Variants in TOGARAM1 observed in about 807,000 individuals in gnomAD.
TOGARAM1 encodes the protein TOG array regulator of axonemal microtubules 1, also known as TOG array regulator of axonemal microtubules protein 1.
TOGARAM1 carries 100 observed loss-of-function variants against 166.6 expected under a neutral mutation model. That is an observed-to-expected ratio of 0.60 (90% CI 0.51 to 0.71). The LOEUF (loss-of-function observed/expected upper bound fraction) is 0.71. Among genes scored for constraint, TOGARAM1 ranks in the 30% least tolerant of loss-of-function variants. TOGARAM1 has a pLI of 0.00. For missense variants in TOGARAM1, 2,029 were observed against 2,102.7 expected, an observed-to-expected ratio of 0.96 and a Z score of 0.69; for synonymous variants, 758 against 763.8, an observed-to-expected ratio of 0.99 and a Z score of 0.13.
chr14:44,980,241 A>G (rs2138754003), intron 1 of TOGARAM1, among the ~76,000 whole-genome samples: 1 of 152,336 alleles, frequency 6.6e-6, no homozygotes, highest in Admixed American at 6.5e-5. Context: ...TATCTTGTCC[A>G]CATGTAGGAT....
chr14:44,969,381 G>A (rs375974166), intron 1 of TOGARAM1, among the ~76,000 whole-genome samples: 61 of 151,982 alleles, frequency 4.0e-4, no homozygotes, highest in East Asian at 3.5e-3. Flanking sequence ...TTGAACTCCC[G>A]GACTCAAGCG....
At chr14:45,005,344 AGCGT>A (rs1887902063) in intron 4 of TOGARAM1, among the ~76,000 whole-genome samples, 1 of 152,106 alleles carries the variant, frequency 6.6e-6, no homozygotes, top group Admixed American at 6.5e-5. Context: ...AAGTCGACTG[AGCGT>A]AGTGGGTCAT....
At chr14:45,063,924 T>C (rs1233762728) in intron 16 of TOGARAM1, among the ~76,000 whole-genome samples, 1 of 152,208 alleles carries the variant, frequency 6.6e-6, no homozygotes, top group Non-Finnish European at 1.5e-5. Flanking sequence ...TCCTTTGATA[T>C]GTTATCACCC....
chr14:45,071,651 T>C, intron 18 of TOGARAM1, 61 bp from the exon 19 acceptor site: 1 of 1,155,956 alleles, frequency 8.7e-7, no homozygotes, highest in Non-Finnish European at 1.3e-6. Flanking sequence ...TGCTATGTAA[T>C]GGAAAGTAAC....
intron 14 of TOGARAM1, among the ~76,000 whole-genome samples, chr14:45,048,591 GCTCAC>G (rs1457242361): frequency 6.6e-6 from 1 of 152,092 alleles, no homozygotes; most frequent in African/African-American, 2.4e-5. Context: ...GTCTGGCATG[GCTCAC>G]CTCAGTTCAC....
Position 45,066,688 on chromosome 14 carries a change from G to T in TOGARAM1, c.4670G>T (p.Arg1557Leu), listed in dbSNP as rs748580463. 1.2e-6 allele frequency: 2 copies of T among 1,613,920 alleles called. No individual in the cohort carries two copies. The highest frequency in any genetic ancestry group is 2.2e-5 in the South Asian group (2 of 91,072). Residue 1557 changes from arginine to leucine, a missense_variant, in exon 17 of 20, where the codon CGT (arginine) becomes CTT (leucine). Transcript: ENST00000361462. ...GGCTTATTAAATGCAAAAGACTTTCGTGATCGTATTAATGGGATTAAGCAG... is the reference window on the plus strand; with the variant it reads ...GGCTTATTAAATGCAAAAGACTTTCTTGATCGTATTAATGGGATTAAGCAG... ...ITGLLNAKDF[R>L]DRINGIKQLL...
At position 45,020,192 on chromosome 14, in the gene TOGARAM1, C is replaced by T. The variant is rs572342759; in HGVS notation, c.3239-5591C>T. 2.0e-4 allele frequency among the ~76,000 whole-genome samples: 31 copies of T among 152,338 alleles called. 1 individual carries two copies. The Middle Eastern group carries it at 0.014, about 67-fold the overall frequency. On this transcript the variant is annotated intron_variant, in intron 7 of 19. Coordinates refer to ENST00000361462, the MANE Select transcript of TOGARAM1 (RefSeq NM_001308120.2). ...CCACTGGCTGAGGAGGCCCCAGGGT[C>T]TGGTGCTTTGAAGCTCCTATGCTCT... is the stretch of plus-strand genomic sequence containing the variant.
At chr14:44,999,799 T>C (rs1887610788) in intron 3 of TOGARAM1, among the ~76,000 whole-genome samples, 1 of 152,174 alleles carries the variant, frequency 6.6e-6, no homozygotes, top group African/African-American at 2.4e-5. Flanking sequence ...CATTTTGATA[T>C]ACAATGTGTA....
rs142868579 is a variant in TOGARAM1 at position 45,038,010 on chromosome 14, T to C, written c.3812+5634T>C. Among the ~76,000 whole-genome samples, 211 of 151,732 alleles carry C rather than the reference T, an allele frequency of 1.4e-3. 1 individual carries two copies. In the East Asian group the frequency reaches 0.017, roughly 12 times the overall value. Reference sequence around the variant, plus strand: ...CCCAGCCTGGGTGACAGAGCGAGACTCCATCTCAAAAAAAAAGAAAAAAGA... The same window carrying C: ...CCCAGCCTGGGTGACAGAGCGAGACCCCATCTCAAAAAAAAAGAAAAAAGA... On this transcript the variant is annotated intron_variant, in intron 11 of 19. Coordinates refer to ENST00000361462, the MANE Select transcript of TOGARAM1 (RefSeq NM_001308120.2).
At chr14:44,980,183 C>A (rs1004564867) in intron 1 of TOGARAM1, among the ~76,000 whole-genome samples, 3 of 152,104 alleles carry the variant, frequency 2.0e-5, no homozygotes, top group South Asian at 2.1e-4. Flanking sequence ...GGCTCTTGGC[C>A]AGGCTCTCTG....
chr14:44,982,308 G>A (rs10132637), intron 1 of TOGARAM1, among the ~76,000 whole-genome samples: 7,009 of 152,146 alleles, frequency 0.046, 529 homozygotes, highest in African/African-American at 0.16. Flanking sequence ...TTTGTGCTCT[G>A]ACATATTACA....
intron 1 of TOGARAM1, among the ~76,000 whole-genome samples, chr14:44,987,941 T>C (rs962685182): frequency 2.0e-5 from 3 of 151,946 alleles, no homozygotes; most frequent in Admixed American, 2.0e-4. Context: ...AATGAAGAGT[T>C]CATGTCCTTT....
chr14:45,070,709 G>A (rs988922871), intron 18 of TOGARAM1, among the ~76,000 whole-genome samples: 4 of 152,084 alleles, frequency 2.6e-5, no homozygotes, highest in African/African-American at 7.2e-5. Flanking sequence ...AGTTAAACAC[G>A]AATTTTCAAT....
Position 45,046,568 on chromosome 14 carries a change from G to A in TOGARAM1, c.4178G>A (p.Arg1393Lys). Reference sequence around the variant, plus strand: ...AGCCATTTACACATTGCTGTAAGAAGGTGTACAGCCCAGCATTTATCAGAT... The same window carrying A: ...AGCCATTTACACATTGCTGTAAGAAAGTGTACAGCCCAGCATTTATCAGAT... Reference protein sequence around the residue: ...GQSHLHIAVRRCTAQHLSDVL... With the variant: ...GQSHLHIAVRKCTAQHLSDVL... Residue 1393 changes from arginine (R) to lysine (K), a missense_variant, in exon 14 of 20, where the codon AGG (arginine) becomes AAG (lysine). By Grantham distance (26) the Arg-to-Lys change is conservative. Coordinates refer to ENST00000361462, the MANE Select transcript of TOGARAM1 (RefSeq NM_001308120.2). 1 of 1,328,810 alleles carries A rather than the reference G, an allele frequency of 7.5e-7. No homozygotes were observed. The highest frequency in any genetic ancestry group is 9.7e-7 in the Non-Finnish European group (1 of 1,032,714). 82.3% of individuals were successfully genotyped at this position (1,328,810 alleles called of 1,614,324 possible). A position where few individuals can be genotyped will look rare whatever the true frequency, so the allele number is the denominator to read the frequency against.
At chr14:45,050,049 A>T (rs1240147687) in intron 14 of TOGARAM1, among the ~76,000 whole-genome samples, 1 of 152,016 alleles carries the variant, frequency 6.6e-6, no homozygotes, top group African/African-American at 2.4e-5. Flanking sequence ...AGCCTTTCTC[A>T]TATCATTGGG....
intron 1 of TOGARAM1, among the ~76,000 whole-genome samples, chr14:44,972,067 T>G (rs10129173): frequency 0.15 from 23,557 of 152,000 alleles, 3,362 homozygotes; most frequent in African/African-American, 0.38. Context: ...GATCTCTTGA[T>G]AACTCACTAT....
At chr14:44,970,449 T>C (rs960801144) in intron 1 of TOGARAM1, among the ~76,000 whole-genome samples, 6 of 152,192 alleles carry the variant, frequency 3.9e-5, no homozygotes, top group Admixed American at 2.6e-4. Context: ...TTTTTGTTAA[T>C]TCTTTGAGAC....
At chr14:45,025,894 T>G in intron 8 of TOGARAM1, 22 bp downstream of exon 8, 1 of 1,274,528 alleles carries the variant, frequency 7.8e-7, no homozygotes, top group Non-Finnish European at 1.1e-6. Context: ...TTATTTCGCT[T>G]CTTAATTATA....
rs1192744100 is a variant in TOGARAM1 at position 45,068,556 on chromosome 14, G to C, written c.4882G>C (p.Ala1628Pro). Reference sequence around the variant, plus strand: ...TCCTATAATCAACATGCTAATTCCAGCAATAGTGGATAACAATCTGAATTC... The same window carrying C: ...TCCTATAATCAACATGCTAATTCCACCAATAGTGGATAACAATCTGAATTC... The part of the protein sequence containing the change: ...LSPIINMLIP[A>P]IVDNNLNSKN... Residue 1628 changes from alanine to proline, a missense_variant, in exon 18 of 20, where the codon GCA becomes CCA. This residue lies in a region of TOGARAM1 where 576 missense variants were observed against 670.5 expected (regional missense o/e 0.86). Coordinates refer to ENST00000361462, the MANE Select transcript of TOGARAM1 (RefSeq NM_001308120.2). The C allele has an allele frequency of 6.2e-7, 1 of 1,613,148 alleles. No individual in the cohort carries two copies. The highest frequency in any genetic ancestry group is 8.5e-7 in the Non-Finnish European group (1 of 1,179,644).
Sources: allele counts gnomAD v4.1 joint callset (sites outside exome capture counted in the v4.1 genomes callset), GRCh38; gene constraint gnomAD v4.1.1; regional missense constraint gnomAD v4.1.1; transcripts MANE v1.5; gene names NCBI Gene and HGNC (gene_info 2026-07-23, HGNC 2026-07-21).